Variants in CD6 observed in about 807,000 individuals in gnomAD.
The protein encoded by CD6 is T-cell differentiation antigen CD6.
Under a neutral mutation model 75.3 loss-of-function variants are expected in CD6, and 53 were observed. That is an observed-to-expected ratio of 0.70 (90% confidence interval 0.56 to 0.88). The LOEUF is 0.88. CD6 is among the 40% of genes least tolerant of loss of function. CD6 has a pLI of 0.00. For synonymous variants in CD6, 359 were observed against 381.5 expected (o/e 0.94, Z 0.69); for missense variants, 770 against 897.1 (o/e 0.86, Z 1.81).
chr11:60,971,782 G>A lies in CD6; in HGVS notation c.-84G>A, dbSNP rs1458696022. On this transcript the variant is annotated 5_prime_UTR_variant, in exon 1 of 13. Transcript: ENST00000313421. The stretch of plus-strand genomic sequence containing the variant: ...GGTAGAGCAGACCTGCGCCAGGGGC[G>A]CACAACGGCCGTGTCCACCTCCCGG... 6.5e-6 allele frequency: 9 copies of A among 1,385,930 alleles called. No individual in the cohort carries two copies. Among genetic ancestry groups the A allele is most frequent in the South Asian group, 2.4e-5 (2 of 83,756 alleles). 85.9% of individuals were successfully genotyped at this position (1,385,930 alleles called of 1,614,324 possible). A position where few individuals can be genotyped will look rare whatever the true frequency, so the allele number is the denominator to read the frequency against.
intron 6 of CD6, among the ~76,000 whole-genome samples, chr11:61,013,106 C>T (rs1214349190): frequency 1.3e-5 from 2 of 152,278 alleles, no homozygotes; most frequent in South Asian, 2.1e-4. Flanking sequence ...AGGCACACAG[C>T]GGGTACTCAA....
chr11:60,993,140 C>A lies in CD6; in HGVS notation c.50-13434C>A, dbSNP rs17824933. Among the ~76,000 whole-genome samples the A allele has an allele frequency of 5.3e-5, 8 of 152,218 alleles. No individual in the cohort carries two copies. In the South Asian group the frequency reaches 6.2e-4, roughly 12 times the overall value. ...GCCTTGGAGCCAGGACCCCAGGAGA[C>A]TTTTCTTTTAGAGGAACTCCTGTTA... On this transcript the variant is annotated intron_variant, in intron 1 of 12. Coordinates refer to ENST00000313421, the MANE Select transcript of CD6 (RefSeq NM_006725.5).
In CD6 at chr11:61,019,868, CG is replaced by C; in HGVS notation, c.*553del. 1 of 302,534 alleles carries C rather than the reference CG, an allele frequency of 3.3e-6. No homozygotes were observed. 18.7% of individuals were successfully genotyped at this position (302,534 alleles called of 1,614,324 possible). ...ACACCAGCTGTCCCAGGCTTTGCTC[CG>C]GGCGGTAACTGCACTTGGGCAGGGA... On this transcript the variant is annotated 3_prime_UTR_variant, in exon 13 of 13. Transcript: ENST00000313421.
In CD6 at chr11:60,972,339, G is replaced by A. The variant is rs371845806; in HGVS notation, c.49+425G>A. Among the ~76,000 whole-genome samples, 3 of 152,220 alleles carry A rather than the reference G, an allele frequency of 2.0e-5. No homozygotes were observed. In the East Asian group the frequency reaches 5.8e-4, roughly 29 times the overall value. On this transcript the variant is annotated intron_variant, in intron 1 of 12. Coordinates refer to ENST00000313421, the MANE Select transcript of CD6 (RefSeq NM_006725.5). ...TGAGGCTTGGGGTCCAGCAGGCGTA[G>A]GCCAATCACAGGAGAGCACCTCCCG... is the stretch of plus-strand genomic sequence containing the variant.
chr11:60,982,068 C>CGG (rs11319097), intron 1 of CD6, among the ~76,000 whole-genome samples: 224 of 67,636 alleles, frequency 3.3e-3, no homozygotes, highest in Non-Finnish European at 5.2e-3. Context: ...GCCAGGGTGG[C>CGG]GGGGGGGGGG....
intron 10 of CD6, 33 bp from the exon 11 acceptor site, chr11:61,017,723 GCTT>G (rs1408356783): frequency 6.2e-7 from 1 of 1,613,084 alleles, no homozygotes; most frequent in East Asian, 2.2e-5. Context: ...TTGCTGCACT[GCTT>G]CTTTCGTCAC....
chr11:61,005,729 C>T (rs1000284645), intron 1 of CD6, among the ~76,000 whole-genome samples: 9 of 152,202 alleles, frequency 5.9e-5, no homozygotes, highest in Non-Finnish European at 1.0e-4. Flanking sequence ...GTCAGGAGTT[C>T]GAGACCAGCC....
intron 1 of CD6, among the ~76,000 whole-genome samples, chr11:61,003,454 C>T (rs1302886862): frequency 1.3e-5 from 2 of 150,978 alleles, no homozygotes; most frequent in Non-Finnish European, 3.0e-5. Context: ...AACAATGGGC[C>T]GGGTGTGGTG....
Position 61,007,780 on chromosome 11 carries a change from C to A in CD6, c.339C>A (p.Thr113=). Residue 113 remains threonine (T), a synonymous_variant, in exon 3 of 13, where the codon ACC becomes ACA. Transcript: ENST00000313421. The surrounding 1 kb of genome is among the most constrained non-coding windows in gnomAD (Gnocchi z 4.2). ...CGCCCCCGCCTGCAGCCGGGAACACCAGCGTAGCAGCTAATGCCACTCTGG... is the reference window on the plus strand; with the variant it reads ...CGCCCCCGCCTGCAGCCGGGAACACAAGCGTAGCAGCTAATGCCACTCTGG... ...ELPPPPAAGN[T]SVAANATLAG... 6.8e-7 allele frequency: 1 copy of A among 1,472,550 alleles called. No individual in the cohort carries two copies. Among genetic ancestry groups the A allele is most frequent in the Non-Finnish European group, 9.0e-7 (1 of 1,113,570 alleles). The allele number at this position is 1,472,550 out of a possible 1,614,324, so 91.2% of individuals were successfully genotyped here.
In CD6 at chr11:61,013,937, A is replaced by G; in HGVS notation, c.1310A>G (p.Asn437Ser). The part of the protein sequence containing the change: ...KGKYALPVMV[N>S]HQHLPTTIPA... The stretch of plus-strand genomic sequence containing the variant: ...CCCTCAGCCCTCCCCGTAATGGTGA[A>G]CCACCAGCACCTACCCACCACCATC... The change falls in exon 8 of 13, where the codon AAC becomes AGC. Residue 437 changes from asparagine (N) to serine (S), a missense_variant. By Grantham distance (46) the Asn-to-Ser change is conservative. Coordinates refer to ENST00000313421, the MANE Select transcript of CD6 (RefSeq NM_006725.5). The G allele has an allele frequency of 6.2e-7, 1 of 1,612,432 alleles. No individual in the cohort carries two copies. The highest frequency in any genetic ancestry group is 1.3e-5 in the African/African-American group (1 of 74,988).
At chr11:60,977,512 G>T (rs1475982647) in intron 1 of CD6, among the ~76,000 whole-genome samples, 1 of 152,238 alleles carries the variant, frequency 6.6e-6, no homozygotes, top group Non-Finnish European at 1.5e-5. Flanking sequence ...TCCAGACTCA[G>T]AGCATGGTAA....
At chr11:60,971,946 G>C in intron 1 of CD6, 32 bp downstream of exon 1, 1 of 1,606,522 alleles carries the variant, frequency 6.2e-7, no homozygotes, top group Non-Finnish European at 8.5e-7. Context: ...CCTGCCACTG[G>C]TGCTGGAGGA....
intron 6 of CD6, among the ~76,000 whole-genome samples, chr11:61,011,572 T>C (rs1232160100): frequency 6.6e-6 from 1 of 152,212 alleles, no homozygotes; most frequent in East Asian, 1.9e-4. Flanking sequence ...TTATAGCCAT[T>C]ATTTCCCAAC....
chr11:61,018,125 C>T, intron 11 of CD6, 112 bp downstream of exon 11: 1 of 1,409,592 alleles, frequency 7.1e-7, no homozygotes, highest in Non-Finnish European at 9.7e-7. Context: ...GTTCCGCAGC[C>T]ATTCGCTGTG....
chr11:61,011,793 A>G (rs1379603426), intron 6 of CD6, among the ~76,000 whole-genome samples: 2 of 152,342 alleles, frequency 1.3e-5, no homozygotes, highest in Admixed American at 1.3e-4. Flanking sequence ...CTCAACTCCC[A>G]GCTGTGCCTC....
At chr11:61,016,382 G>A (rs1034625407) in intron 9 of CD6, among the ~76,000 whole-genome samples, 12 of 152,192 alleles carry the variant, frequency 7.9e-5, no homozygotes, top group Admixed American at 3.3e-4. Flanking sequence ...AGACCAGAGC[G>A]TCCCACACCT....
chr11:60,986,039 G>A (rs769620441), intron 1 of CD6, among the ~76,000 whole-genome samples: 37 of 152,192 alleles, frequency 2.4e-4, no homozygotes, highest in Non-Finnish European at 4.6e-4. Context: ...TGGAGAAACT[G>A]AGGCCTTGGA....
intron 1 of CD6, among the ~76,000 whole-genome samples, chr11:60,979,992 A>G (rs930116199): frequency 6.6e-6 from 1 of 152,194 alleles, no homozygotes; most frequent in Non-Finnish European, 1.5e-5. Flanking sequence ...CCAGCTATGC[A>G]TATGCTGTTC....
At chr11:60,980,741 G>A (rs1264959734) in intron 1 of CD6, among the ~76,000 whole-genome samples, 1 of 152,140 alleles carries the variant, frequency 6.6e-6, no homozygotes, top group Non-Finnish European at 1.5e-5. Context: ...CCGCAAGGCT[G>A]AGGGAAGAGA....
Sources: allele counts gnomAD v4.1 joint callset (sites outside exome capture counted in the v4.1 genomes callset), GRCh38; gene constraint gnomAD v4.1.1; non-coding constraint Gnocchi (gnomAD v3.1); transcripts MANE v1.5; gene names NCBI Gene and HGNC (gene_info 2026-07-23, HGNC 2026-07-21).